Variants in ADAMTS17 observed in about 807,000 individuals in gnomAD.
ADAMTS17 encodes ADAM metallopeptidase with thrombospondin type 1 motif 17, also known as A disintegrin and metalloproteinase with thrombospondin motifs 17.
A neutral mutation model predicts 141.5 loss-of-function variants in ADAMTS17; 113 were observed. That is an observed-to-expected ratio of 0.80 (90% confidence interval 0.69 to 0.93). ADAMTS17 has a LOEUF of 0.93. Among genes scored for constraint, ADAMTS17 ranks in the 40% least tolerant of loss-of-function variants. ADAMTS17 has a pLI of 0.00. For missense variants in ADAMTS17, 1,659 were observed against 1,517.9 expected (o/e 1.09, Z -1.54); for synonymous variants, 768 against 630.6 (o/e 1.22, Z -3.27).
intron 18 of ADAMTS17, among the ~76,000 whole-genome samples, chr15:100,019,998 G>A (rs201701056): frequency 1.9e-5 from 1 of 53,580 alleles, no homozygotes; most frequent in South Asian, 4.9e-4. Context: ...CCTAAGATTT[G>A]GAAAAAAAAG....
At chr15:100,040,449 T>C (rs2031146248) in intron 18 of ADAMTS17, among the ~76,000 whole-genome samples, 1 of 152,210 alleles carries the variant, frequency 6.6e-6, no homozygotes, top group Non-Finnish European at 1.5e-5. Flanking sequence ...CCTTTACTTG[T>C]CCTTTCTTGT....
At chr15:100,318,348 C>T (rs1322246300) in intron 3 of ADAMTS17, among the ~76,000 whole-genome samples, 1 of 151,902 alleles carries the variant, frequency 6.6e-6, no homozygotes, top group Non-Finnish European at 1.5e-5. Context: ...ACATTGAGAC[C>T]TAACCTACAA....
intron 20 of ADAMTS17, chr15:99,976,475 C>T (rs1311157436): frequency 1.7e-6 from 1 of 601,446 alleles, no homozygotes; most frequent in Non-Finnish European, 3.0e-6. Context: ...TGTGTCATGC[C>T]CAGGCACTTG....
At chr15:99,994,452 TAA>T (rs113195908) in intron 19 of ADAMTS17, among the ~76,000 whole-genome samples, 7 of 141,400 alleles carry the variant, frequency 5.0e-5, no homozygotes, top group Admixed American at 7.1e-5. Flanking sequence ...CCCAATCTCT[TAA>T]AAAAAAAAAA....
At chr15:100,139,599 G>A (rs2038521246) in intron 10 of ADAMTS17, among the ~76,000 whole-genome samples, 1 of 152,350 alleles carries the variant, frequency 6.6e-6, no homozygotes, top group East Asian at 1.9e-4. Context: ...AAGTTACGGT[G>A]GAGTATCCTG....
intron 7 of ADAMTS17, among the ~76,000 whole-genome samples, chr15:100,243,789 T>TA (rs547134930): frequency 0.015 from 1,423 of 93,432 alleles, 37 homozygotes; most frequent in African/African-American, 0.047. Context: ...GACTCCATCT[T>TA]AAAAAAAAAA....
chr15:100,328,937 G>A lies in ADAMTS17; in HGVS notation c.616+1952C>T, dbSNP rs117196465. On this transcript the variant is annotated intron_variant, in intron 3 of 21. Transcript: ENST00000268070. ...GGCCCTGCTTGAAGGTGCTCAAATG[G>A]GAAAATCCACTCCCGATGGCCCACA... 1.7e-3 allele frequency among the ~76,000 whole-genome samples: 254 copies of A among 152,176 alleles called. 6 individuals carry two copies. The East Asian group carries it at 0.045, about 27-fold the overall frequency.
At chr15:100,002,164 C>G (rs1250624809) in intron 18 of ADAMTS17, among the ~76,000 whole-genome samples, 1 of 152,008 alleles carries the variant, frequency 6.6e-6, no homozygotes, top group Non-Finnish European at 1.5e-5. Flanking sequence ...TTTTGTCTCT[C>G]ATGAACTGAC....
At chr15:100,075,912 G>A (rs2034338846) in intron 15 of ADAMTS17, among the ~76,000 whole-genome samples, 1 of 152,108 alleles carries the variant, frequency 6.6e-6, no homozygotes, top group African/African-American at 2.4e-5. Context: ...TGGTTTCTGT[G>A]ATGGATTCAG....
At chr15:100,273,519 A>T (rs1349955877) in intron 4 of ADAMTS17, among the ~76,000 whole-genome samples, 2 of 151,946 alleles carry the variant, frequency 1.3e-5, no homozygotes, top group Admixed American at 6.6e-5. Context: ...AATCCTTTTT[A>T]TTTCTGTAGA....
chr15:100,147,201 G>A (rs1362459713), intron 10 of ADAMTS17, among the ~76,000 whole-genome samples: 1 of 152,028 alleles, frequency 6.6e-6, no homozygotes, highest in East Asian at 1.9e-4. Context: ...TGGACGCCCA[G>A]CTTTAAAAAT....
chr15:100,040,206 C>T (rs2031121757), intron 18 of ADAMTS17, among the ~76,000 whole-genome samples: 1 of 152,192 alleles, frequency 6.6e-6, no homozygotes, highest in South Asian at 2.1e-4. Flanking sequence ...TTTTGAGACG[C>T]AGCCACCAAC....
chr15:100,230,113 C>T (rs73478076), intron 7 of ADAMTS17, among the ~76,000 whole-genome samples: 2,931 of 152,336 alleles, frequency 0.019, 103 homozygotes, highest in African/African-American at 0.067. Context: ...TAAACATAAC[C>T]AGGGGCATAT....
chr15:100,112,356 C>T (rs1344194396), intron 13 of ADAMTS17, among the ~76,000 whole-genome samples: 1 of 152,152 alleles, frequency 6.6e-6, no homozygotes, highest in Non-Finnish European at 1.5e-5. Context: ...CTTCCCTTCC[C>T]TGCTCAGCCA....
intron 15 of ADAMTS17, among the ~76,000 whole-genome samples, chr15:100,062,055 C>T (rs1310918733): frequency 6.6e-6 from 1 of 152,150 alleles, no homozygotes; most frequent in Admixed American, 6.5e-5. Flanking sequence ...TTGAAGCTGC[C>T]AAAAGCAGCA....
intron 3 of ADAMTS17, among the ~76,000 whole-genome samples, chr15:100,329,813 T>C (rs886113613): frequency 3.3e-5 from 5 of 152,088 alleles, no homozygotes; most frequent in Non-Finnish European, 7.4e-5. Context: ...TGCCATCCAG[T>C]CCACACACAG....
intron 7 of ADAMTS17, among the ~76,000 whole-genome samples, chr15:100,238,345 A>C (rs2042722968): frequency 6.6e-6 from 1 of 152,174 alleles, no homozygotes; most frequent in Non-Finnish European, 1.5e-5. Flanking sequence ...TACTGACTTC[A>C]CATGAGTTGC....
At chr15:100,219,559 C>G (rs1363171060) in intron 7 of ADAMTS17, among the ~76,000 whole-genome samples, 1 of 152,198 alleles carries the variant, frequency 6.6e-6, no homozygotes, top group Admixed American at 6.5e-5. Flanking sequence ...AGGGCTTCTT[C>G]TATCTCAAAC....
chr15:100,080,003 A>G (rs573338986), intron 15 of ADAMTS17, among the ~76,000 whole-genome samples: 1 of 152,320 alleles, frequency 6.6e-6, no homozygotes, highest in Admixed American at 6.5e-5. Context: ...GCTGAGGCAA[A>G]GTTCTCCAGC....
Sources: gnomAD v4.1 joint callset for allele counts (sites outside exome capture counted in the v4.1 genomes callset) on GRCh38, gnomAD v4.1.1 for gene constraint, MANE v1.5 for transcripts, NCBI Gene and HGNC (gene_info 2026-07-23, HGNC 2026-07-21) for gene names.